The following NDUFS4 variants were observed in gnomAD, a reference collection of about 807,000 sequenced individuals.
NDUFS4 encodes the protein NADH dehydrogenase [ubiquinone] iron-sulfur protein 4, mitochondrial.
NDUFS4 carries 28 observed loss-of-function variants against 24.3 expected under a neutral mutation model. The observed-to-expected ratio is 1.15, with a 90% CI of 0.85 to 1.58. The LOEUF (loss-of-function observed/expected upper bound fraction) is 1.58, where lower values mean the gene tolerates loss of function less well. Ranked by LOEUF, NDUFS4 falls within the 40% of genes most tolerant of loss-of-function variation. NDUFS4 has a pLI of 0.00. For synonymous variants in NDUFS4, 93 were observed against 69.7 expected (o/e 1.34, Z -1.67); for missense variants, 223 against 207.9 (o/e 1.07, Z -0.45).
At chr5:53,638,127 G>A (rs1388279637) in intron 2 of NDUFS4, among the ~76,000 whole-genome samples, 4 of 152,022 alleles carry the variant, frequency 2.6e-5, no homozygotes, top group African/African-American at 9.7e-5. Context: ...CAGAATTTTT[G>A]AAATGTCAAT....
chr5:53,609,238 T>C (rs1750621617), intron 2 of NDUFS4, among the ~76,000 whole-genome samples: 1 of 151,928 alleles, frequency 6.6e-6, no homozygotes, highest in Admixed American at 6.6e-5. Context: ...ATGAAATGTG[T>C]TTCCTAAATA....
chr5:53,636,735 G>T (rs1751564548), intron 2 of NDUFS4, among the ~76,000 whole-genome samples: 1 of 152,220 alleles, frequency 6.6e-6, no homozygotes, highest in African/African-American at 2.4e-5. Context: ...CATGGTGGTT[G>T]GTCCTTCTCG....
intron 1 of NDUFS4, among the ~76,000 whole-genome samples, chr5:53,567,223 C>T (rs780012872): frequency 1.7e-4 from 26 of 152,264 alleles, no homozygotes; most frequent in Admixed American, 1.4e-3. Context: ...TGACTGTAGT[C>T]TGATATAGCA....
intron 4 of NDUFS4, among the ~76,000 whole-genome samples, chr5:53,677,256 C>T (rs532393137): frequency 4.6e-5 from 7 of 152,044 alleles, no homozygotes; most frequent in Non-Finnish European, 1.0e-4. Context: ...TTCAAGGGGC[C>T]GTTGACTGTC....
At chr5:53,645,018 T>C (rs2112505804) in intron 2 of NDUFS4, among the ~76,000 whole-genome samples, 1 of 152,226 alleles carries the variant, frequency 6.6e-6, no homozygotes, top group Middle Eastern at 3.4e-3. Context: ...TTCATAGCAT[T>C]GATAGATTGA....
chr5:53,631,069 T>C (rs983224079), intron 2 of NDUFS4, among the ~76,000 whole-genome samples: 1 of 152,212 alleles, frequency 6.6e-6, no homozygotes, highest in African/African-American at 2.4e-5. Context: ...GGTTTTGGTG[T>C]GGATGTCGTT....
intron 1 of NDUFS4, among the ~76,000 whole-genome samples, chr5:53,573,919 CT>C (rs568763053): frequency 1.1e-3 from 161 of 152,234 alleles, no homozygotes; most frequent in African/African-American, 3.8e-3. Context: ...TTGTATATTG[CT>C]GTATATAGAA....
chr5:53,681,697 T>C (rs369287743), intron 4 of NDUFS4, among the ~76,000 whole-genome samples: 1 of 152,274 alleles, frequency 6.6e-6, no homozygotes, highest in East Asian at 1.9e-4. Context: ...TTTCATTTGC[T>C]TTCCTGCTTC....
chr5:53,639,113 C>T (rs373845001), intron 2 of NDUFS4, among the ~76,000 whole-genome samples: 54 of 151,854 alleles, frequency 3.6e-4, no homozygotes, highest in Admixed American at 1.6e-3. Context: ...GAAAATATAC[C>T]CTCATGCTTT....
intron 3 of NDUFS4, 84 bp downstream of exon 3, chr5:53,646,489 T>C (rs1386427084): frequency 7.2e-7 from 1 of 1,391,204 alleles, no homozygotes; most frequent in Non-Finnish European, 1.0e-6. Context: ...TCAAACTCTT[T>C]TATGTACAAT....
intron 2 of NDUFS4, among the ~76,000 whole-genome samples, chr5:53,614,517 C>T (rs1170728715): frequency 6.6e-6 from 1 of 151,846 alleles, no homozygotes; most frequent in African/African-American, 2.4e-5. Context: ...CTCTTTGTTC[C>T]TACTTGGAAT....
At chr5:53,645,523 T>C (rs956332777) in intron 2 of NDUFS4, among the ~76,000 whole-genome samples, 7 of 152,216 alleles carry the variant, frequency 4.6e-5, no homozygotes, top group Non-Finnish European at 1.0e-4. Context: ...GAGCATTTGT[T>C]ACTGGATAAA....
chr5:53,627,345 G>T (rs1751261553), intron 2 of NDUFS4, among the ~76,000 whole-genome samples: 1 of 152,122 alleles, frequency 6.6e-6, no homozygotes, highest in South Asian at 2.1e-4. Flanking sequence ...TTTTGCTTAG[G>T]ATTGTCTTGG....
chr5:53,605,546 T>G (rs1750471899), intron 2 of NDUFS4, among the ~76,000 whole-genome samples: 1 of 152,172 alleles, frequency 6.6e-6, no homozygotes, highest in Non-Finnish European at 1.5e-5. Context: ...TAAAATCGGT[T>G]GCATACTGTT....
At chr5:53,595,156 G>C (rs1353033947) in intron 1 of NDUFS4, among the ~76,000 whole-genome samples, 1 of 151,984 alleles carries the variant, frequency 6.6e-6, no homozygotes, top group Non-Finnish European at 1.5e-5. Flanking sequence ...GGCATATACA[G>C]GTATTTTAAT....
intron 2 of NDUFS4, among the ~76,000 whole-genome samples, chr5:53,607,991 TTTC>T (rs1209534396): frequency 7.2e-5 from 11 of 152,240 alleles, no homozygotes; most frequent in African/African-American, 2.7e-4. Context: ...TTTATATTGT[TTTC>T]TTCATTTTAA....
intron 1 of NDUFS4, among the ~76,000 whole-genome samples, chr5:53,598,938 C>T (rs1241726419): frequency 3.3e-5 from 5 of 152,064 alleles, no homozygotes; most frequent in Non-Finnish European, 4.4e-5. Flanking sequence ...AAGAATGATA[C>T]TTTACAAACC....
intron 2 of NDUFS4, among the ~76,000 whole-genome samples, chr5:53,608,743 C>G (rs939619331): frequency 3.3e-5 from 5 of 152,346 alleles, no homozygotes; most frequent in African/African-American, 1.2e-4. Context: ...CAAAGTCATT[C>G]ATGAGGGTTG....
At chr5:53,566,825 G>C (rs150097996) in intron 1 of NDUFS4, among the ~76,000 whole-genome samples, 1 of 150,232 alleles carries the variant, frequency 6.7e-6, no homozygotes, top group East Asian at 2.0e-4. Context: ...TACAGATGCA[G>C]TTTTTCCTCC....
Sources: allele counts gnomAD v4.1 joint callset (sites outside exome capture counted in the v4.1 genomes callset), GRCh38; gene constraint gnomAD v4.1.1; transcripts MANE v1.5; gene names NCBI Gene and HGNC (gene_info 2026-07-23, HGNC 2026-07-21).